PKD1L1: variants seen among roughly 807,000 people sequenced by gnomAD.
PKD1L1 encodes polycystin 1 like 1, transient receptor potential channel interacting.
PKD1L1 carries 236 observed loss-of-function variants against 323.4 expected under a neutral mutation model. The ratio of observed to expected loss-of-function variants is 0.73; its 90% confidence interval spans 0.66 to 0.81. The LOEUF (loss-of-function observed/expected upper bound fraction) is 0.81. Ranked by LOEUF, PKD1L1 falls within the 40% of genes least tolerant of loss-of-function variation. The pLI is 0.00. For missense variants in PKD1L1, 3,320 were observed against 3,508.0 expected (o/e 0.95, Z 1.35); for synonymous variants, 1,344 against 1,335.0 (o/e 1.01, Z -0.15).
At position 47,890,628 on chromosome 7, in the gene PKD1L1, G is replaced by A; in HGVS notation, c.2589C>T (p.Phe863=). The A allele has an allele frequency of 1.9e-6, 3 of 1,614,148 alleles. No individual in the cohort carries two copies. The highest frequency in any genetic ancestry group is 1.1e-5 in the South Asian group (1 of 91,074). ...AQWLSDSYDQ[F]LVMLRVSSGG... ...CACTGGAGACCCTCAGCATCACAAG[G>A]AACTGATCATAGCTGTCACTGAGCC... Residue 863 remains phenylalanine, a synonymous_variant, in exon 16 of 57, where the codon TTC becomes TTT. Transcript: ENST00000289672.
chr7:47,859,433 A>G (rs1043205105), intron 26 of PKD1L1, among the ~76,000 whole-genome samples: 2 of 151,548 alleles, frequency 1.3e-5, no homozygotes, highest in East Asian at 1.9e-4. Context: ...GCAGAATCCA[A>G]TCCTGCTTTT....
chr7:47,872,568 A>T (rs767973392), intron 24 of PKD1L1, among the ~76,000 whole-genome samples: 11 of 152,228 alleles, frequency 7.2e-5, no homozygotes, highest in Non-Finnish European at 1.3e-4. Flanking sequence ...TTCAAGGAAG[A>T]TATACAAAGC....
In PKD1L1 at chr7:47,840,382, T is replaced by A; in HGVS notation, c.5552+79A>T. ...GAGACCAATGTTATGTATTCTACTG[T>A]TTTGTATTTGTGATAAGGTTACACC... On this transcript the variant is annotated intron_variant, in intron 35 of 56. Coordinates refer to ENST00000289672, the MANE Select transcript of PKD1L1 (RefSeq NM_138295.5). This position sits in a 1 kb window ranked among gnomAD's most constrained non-coding sequence, Gnocchi z 4.1. The A allele has an allele frequency of 1.0e-6, 1 of 1,000,198 alleles. No homozygotes were observed. The highest frequency in any genetic ancestry group is 1.6e-6 in the Non-Finnish European group (1 of 638,410). The allele number at this position is 1,000,198 out of a possible 1,614,324, so 62.0% of individuals were successfully genotyped here. A position where few individuals can be genotyped will look rare whatever the true frequency, so the allele number is the denominator to read the frequency against.
rs1786883591 is a variant in PKD1L1, at chr7:47,894,066, G to T, written c.2272-7C>A. The T allele has an allele frequency of 6.5e-7, 1 of 1,541,172 alleles. No homozygotes were observed. Among genetic ancestry groups the T allele is most frequent in the Non-Finnish European group, 8.8e-7 (1 of 1,142,808 alleles). On this transcript the variant is annotated splice_polypyrimidine_tract_variant and splice_region_variant and intron_variant, in intron 14 of 56. Transcript: ENST00000289672. ...CACTGCCTTCAATCTGAACCTGCAG[G>T]GGCAAGGAAGGACAGGGGATGTCAT...
In PKD1L1 at chr7:47,775,012, T is replaced by C. The variant is rs1011014162; in HGVS notation, c.*131A>G. The C allele has an allele frequency of 9.5e-6, 9 of 943,060 alleles. No individual in the cohort carries two copies. In the Admixed American group the frequency reaches 2.1e-4, roughly 22 times the overall value. 58.4% of individuals were successfully genotyped at this position (943,060 alleles called of 1,614,324 possible). ...TTTCCCATTTACTTGTTACGTGAAC[T>C]GGAAAAATTAACAAAACTTCTTCGT... On this transcript the variant is annotated 3_prime_UTR_variant, in exon 57 of 57. Coordinates refer to ENST00000289672, the MANE Select transcript of PKD1L1 (RefSeq NM_138295.5).
chr7:47,902,655 G>A lies in PKD1L1; in HGVS notation c.1932-144C>T. 8.6e-6 allele frequency: 9 copies of A among 1,050,280 alleles called. No homozygotes were observed. The South Asian group carries it at 1.2e-4, about 14-fold the overall frequency. The allele number at this position is 1,050,280 out of a possible 1,614,324, so 65.1% of individuals were successfully genotyped here. A position where few individuals can be genotyped will look rare whatever the true frequency, so the allele number is the denominator to read the frequency against. On this transcript the variant is annotated intron_variant, in intron 12 of 56. Coordinates refer to ENST00000289672, the MANE Select transcript of PKD1L1 (RefSeq NM_138295.5). ...ATGAATAAGAACAGAAGAGTCAAGG[G>A]TCACAAGACTGATTTCCACAGAGGT...
chr7:47,943,163 AATATATATATATAT>A (rs60168291), intron 2 of PKD1L1, among the ~76,000 whole-genome samples: 349 of 34,112 alleles, frequency 0.01, 5 homozygotes, highest in African/African-American at 0.034. Context: ...AAAAAAAAAA[AATATATATATATAT>A]ATATATATAT....
rs1257160496 is a variant in PKD1L1 at position 47,829,453 on chromosome 7, A to T, written c.6707T>A (p.Ile2236Asn). 2 of 1,613,958 alleles carry T rather than the reference A, an allele frequency of 1.2e-6. No homozygotes were observed. The highest frequency in any genetic ancestry group is 1.7e-6 in the Non-Finnish European group (2 of 1,179,992). The change falls in exon 44 of 57, where the codon ATT (isoleucine) becomes AAT (asparagine). Residue 2236 changes from isoleucine to asparagine, a missense_variant. Ile to Asn is a moderately radical substitution (Grantham distance 149, BLOSUM62 -3). Coordinates refer to ENST00000289672, the MANE Select transcript of PKD1L1 (RefSeq NM_138295.5). ...TTCAACCTCGCCTGCACAGTCAGGA[A>T]TACTGCAGCTTGAAGAGAAGGGGAG... is the stretch of plus-strand genomic sequence containing the variant. ...TRLPFSSSCS[I>N]PDCAGEVEKV... is the part of the protein sequence containing the mutation.
At chr7:47,915,855 T>C (rs776545500) in intron 7 of PKD1L1, among the ~76,000 whole-genome samples, 12 of 151,946 alleles carry the variant, frequency 7.9e-5, no homozygotes, top group Non-Finnish European at 1.6e-4. Flanking sequence ...CTAGATTAAA[T>C]AGATAATTAT....
chr7:47,957,438 A>C, the PKD1L1 span: 1 of 152,344 alleles, frequency 6.6e-6, no homozygotes, highest in East Asian at 1.9e-4. Flanking sequence ...TAAAGACTCC[A>C]CCAAAAAAAC....
chr7:47,855,932 T>C (rs1338431716), intron 28 of PKD1L1, among the ~76,000 whole-genome samples: 4 of 150,162 alleles, frequency 2.7e-5, no homozygotes, highest in Non-Finnish European at 5.9e-5. Flanking sequence ...AGAATAGCTA[T>C]TCTATAGTCC....
At chr7:47,942,870 G>C (rs1383312359) in intron 2 of PKD1L1, among the ~76,000 whole-genome samples, 1 of 152,156 alleles carries the variant, frequency 6.6e-6, no homozygotes, top group Non-Finnish European at 1.5e-5. Flanking sequence ...ATCCTGGCCA[G>C]GCGCCGTGGC....
chr7:47,886,065 C>T lies in PKD1L1; in HGVS notation c.2837-11G>A, dbSNP rs751765412. ...CTCTGCAGAAGGGAACTTAAGCAAA[C>T]GTTTGGCAGTGTTAGAATTTTGCAG... is the stretch of plus-strand genomic sequence containing the variant. On this transcript the variant is annotated splice_polypyrimidine_tract_variant and intron_variant, in intron 17 of 56. Transcript: ENST00000289672. The T allele has an allele frequency of 1.2e-5, 19 of 1,589,728 alleles. No individual in the cohort carries two copies. The South Asian group carries it at 1.4e-4, about 11-fold the overall frequency.
chr7:47,808,414 AGAT>A (rs1205869604), intron 51 of PKD1L1, 27 bp from the exon 52 acceptor site: 1 of 1,613,194 alleles, frequency 6.2e-7, no homozygotes. Context: ...AAAGGCCCTC[AGAT>A]GGCTCCTGAG....
At chr7:47,929,582 A>G in intron 6 of PKD1L1, 56 bp from the exon 7 acceptor site, 1 of 1,491,532 alleles carries the variant, frequency 6.7e-7, no homozygotes, top group African/African-American at 1.4e-5. Context: ...CTGGGGTGGG[A>G]GGGCAGAAGC....
Position 47,830,088 on chromosome 7 carries a change from C to T in PKD1L1, c.6510G>A (p.Leu2170=). ...GQEQCVQWLH[L]LSLSVVCCIF... ...TACAGCAGACCACGGAGAGGGACAGCAGGTGCAGCCACTGCACACATTGCT... is the reference window on the plus strand; with the variant it reads ...TACAGCAGACCACGGAGAGGGACAGTAGGTGCAGCCACTGCACACATTGCT... The change falls in exon 43 of 57, where the codon CTG becomes CTA. Residue 2170 remains leucine, a synonymous_variant. Transcript: ENST00000289672. 6.2e-7 allele frequency: 1 copy of T among 1,614,134 alleles called. No individual in the cohort carries two copies. The highest frequency in any genetic ancestry group is 8.5e-7 in the Non-Finnish European group (1 of 1,180,030).
intron 31 of PKD1L1, among the ~76,000 whole-genome samples, chr7:47,850,588 CACCAT>C (rs1785759214): frequency 7.2e-6 from 1 of 139,380 alleles, no homozygotes. Context: ...GCCGAGATCA[CACCAT>C]TGCACTCCAG....
At chr7:47,829,321 G>T in intron 44 of PKD1L1, 104 bp downstream of exon 44, 1 of 1,177,682 alleles carries the variant, frequency 8.5e-7, no homozygotes, top group Non-Finnish European at 1.2e-6. Flanking sequence ...GGTCTCCAAA[G>T]ATGCAACCCA....
At chr7:47,916,629 T>G (rs903890641) in intron 7 of PKD1L1, among the ~76,000 whole-genome samples, 3 of 152,078 alleles carry the variant, frequency 2.0e-5, no homozygotes, top group African/African-American at 7.2e-5. Flanking sequence ...GCTGAGAGAC[T>G]CACAAATGGT....
Sources: allele counts gnomAD v4.1 joint callset (sites outside exome capture counted in the v4.1 genomes callset), GRCh38; gene constraint gnomAD v4.1.1; non-coding constraint Gnocchi (gnomAD v3.1); transcripts MANE v1.5; gene names NCBI Gene and HGNC (gene_info 2026-07-23, HGNC 2026-07-21).